The following ARVCF variants were observed in gnomAD, a reference collection of about 807,000 sequenced individuals.
ARVCF encodes the protein splicing regulator ARVCF.
In ARVCF, 66 loss-of-function variants were observed where a neutral mutation model predicts 90.9. That is an observed-to-expected ratio of 0.73 (90% CI 0.60 to 0.89). The LOEUF is 0.89. Ranked by LOEUF, ARVCF falls within the 40% of genes least tolerant of loss-of-function variation. The probability of loss-of-function intolerance (pLI) is 0.00; values close to 1 mark genes in which losing one functional copy is unlikely to be tolerated. For missense variants in ARVCF, 1,469 were observed against 1,382.3 expected, an observed-to-expected ratio of 1.06 and a Z score of -1.00; for synonymous variants, 653 against 603.4, an observed-to-expected ratio of 1.08 and a Z score of -1.21.
intron 6 of ARVCF, 140 bp from the exon 7 acceptor site, chr22:19,979,220 T>C: frequency 1.1e-6 from 1 of 948,418 alleles, no homozygotes; most frequent in Non-Finnish European, 1.5e-6. Context: ...AAGCCGTGAG[T>C]GGTTCCGGGG....
chr22:19,971,856 G>A (rs753654167), intron 18 of ARVCF, 30 bp downstream of exon 18: 3 of 1,611,048 alleles, frequency 1.9e-6, no homozygotes, highest in Non-Finnish European at 2.5e-6. Flanking sequence ...GCCTCACCGG[G>A]GACCTGCCCA....
At chr22:20,013,928 G>A (rs766633495) in intron 1 of ARVCF, among the ~76,000 whole-genome samples, 1 of 150,874 alleles carries the variant, frequency 6.6e-6, no homozygotes, top group Non-Finnish European at 1.5e-5. Flanking sequence ...GCTGGAGTGC[G>A]ATGGCACAAT....
At chr22:20,003,914 A>T (rs750139554) in intron 2 of ARVCF, among the ~76,000 whole-genome samples, 2 of 152,178 alleles carry the variant, frequency 1.3e-5, no homozygotes, top group African/African-American at 2.4e-5. Context: ...AATTAGAAAG[A>T]AAGAAAAACC....
In ARVCF at chr22:19,974,096, C is replaced by G. The variant is rs539743675; in HGVS notation, c.2088+16G>C. ...TCTCTCAGGACTTGCCCACCCTGCC[C>G]GACCTGGTCCCTCACCATCCAGTTG... is the stretch of plus-strand genomic sequence containing the variant. On this transcript the variant is annotated intron_variant, in intron 12 of 19. Coordinates refer to ENST00000263207, the MANE Select transcript of ARVCF (RefSeq NM_001670.3). 6.2e-5 allele frequency: 99 copies of G among 1,598,334 alleles called. 2 individuals carry two copies. In the South Asian group the frequency reaches 1.1e-3, roughly 17 times the overall value.
chr22:19,971,986 A>C lies in ARVCF; in HGVS notation c.2696-15T>G, dbSNP rs1942833693. The C allele has an allele frequency of 6.2e-7, 1 of 1,600,780 alleles. No individual in the cohort carries two copies. The highest frequency in any genetic ancestry group is 1.3e-5 in the African/African-American group (1 of 74,834). ...GGAGTATCCGTCTGTAGATGGGGTA[A>C]GGTGGGGCATGAGGGGCGCTCTGAG... is the stretch of plus-strand genomic sequence containing the variant. On this transcript the variant is annotated splice_polypyrimidine_tract_variant and intron_variant, in intron 17 of 19. Transcript: ENST00000263207.
chr22:19,971,988 G>A lies in ARVCF; in HGVS notation c.2696-17C>T, dbSNP rs999508441. ...AGTATCCGTCTGTAGATGGGGTAAG[G>A]TGGGGCATGAGGGGCGCTCTGAGGG... On this transcript the variant is annotated splice_polypyrimidine_tract_variant and intron_variant, in intron 17 of 19. Transcript: ENST00000263207. The A allele has an allele frequency of 6.3e-7, 1 of 1,599,380 alleles. No homozygotes were observed. Among genetic ancestry groups the A allele is most frequent in the Non-Finnish European group, 8.5e-7 (1 of 1,172,504 alleles).
At chr22:20,008,031 CACTT>C (rs1944695612) in intron 2 of ARVCF, among the ~76,000 whole-genome samples, 1 of 152,152 alleles carries the variant, frequency 6.6e-6, no homozygotes, top group African/African-American at 2.4e-5. Context: ...AAATCCAACA[CACTT>C]CACCACAAAA....
At chr22:20,009,046 G>T (rs62223725) in intron 2 of ARVCF, among the ~76,000 whole-genome samples, 1,851 of 152,290 alleles carry the variant, frequency 0.012, 21 homozygotes, top group Non-Finnish European at 0.019. Context: ...TGTTACCAGG[G>T]CTGTCGTTTG....
At position 20,002,758 on chromosome 22, in the gene ARVCF, C is replaced by T. The variant is rs141919096; in HGVS notation, c.-19+7697G>A. 2.0e-5 allele frequency among the ~76,000 whole-genome samples: 3 copies of T among 152,266 alleles called. No homozygotes were observed. In the East Asian group the frequency reaches 5.8e-4, roughly 29 times the overall value. Reference sequence around the variant, plus strand: ...AAGTTTGTGAGAAGCCCACAGCCTGCGCATGAAGATTGTGTCAAGGGAATA... The same window carrying T: ...AAGTTTGTGAGAAGCCCACAGCCTGTGCATGAAGATTGTGTCAAGGGAATA... On this transcript the variant is annotated intron_variant, in intron 2 of 19. Transcript: ENST00000263207.
chr22:20,007,929 C>T (rs547715413), intron 2 of ARVCF, among the ~76,000 whole-genome samples: 1 of 152,162 alleles, frequency 6.6e-6, no homozygotes, highest in Non-Finnish European at 1.5e-5. Flanking sequence ...AGTAAAAATA[C>T]CTTCTAGAAG....
chr22:19,967,023 T>C (rs1047029805), downstream of ARVCF: 224 of 1,200,526 alleles, frequency 1.9e-4, 2 homozygotes, highest in Middle Eastern at 3.5e-4. Flanking sequence ...AGGCTTGCAG[T>C]GTCGGGCGAC....
At chr22:19,976,978 A>G (rs970190144) in intron 9 of ARVCF, among the ~76,000 whole-genome samples, 7 of 152,136 alleles carry the variant, frequency 4.6e-5, no homozygotes, top group Non-Finnish European at 8.8e-5. Flanking sequence ...GGTCCTGGGA[A>G]CCTACACCCT....
At chr22:19,972,248 A>C (rs754046547) in intron 17 of ARVCF, 110 bp downstream of exon 17, 13 of 1,467,544 alleles carry the variant, frequency 8.9e-6, no homozygotes, top group Non-Finnish European at 1.2e-5. Flanking sequence ...CCTAAACCAA[A>C]TATCTCTCCT....
Position 19,977,566 on chromosome 22 carries a change from G to A in ARVCF, c.1719C>T (p.Cys573=), listed in dbSNP as rs745903193. ...TDNKSVENCV[C]IMRNLSYHVH... is the part of the protein sequence containing the mutation. ...CGTGGTAGGACAGGTTCCGCATGAT[G>A]CACACGCAGTTCTCCACCGACTGCA... Residue 573 remains cysteine, a synonymous_variant, in exon 9 of 20, where the codon TGC becomes TGT. Transcript: ENST00000263207. 4 of 1,553,158 alleles carry A rather than the reference G, an allele frequency of 2.6e-6. No homozygotes were observed. Among genetic ancestry groups the A allele is most frequent in the Non-Finnish European group, 3.5e-6 (4 of 1,149,124 alleles).
downstream of ARVCF, among the ~76,000 whole-genome samples, chr22:19,965,939 G>T (rs189789021): frequency 1.0e-3 from 159 of 152,366 alleles, no homozygotes; most frequent in African/African-American, 3.6e-3. Flanking sequence ...CACTCAGCCA[G>T]ATGGGCTTCA....
At chr22:20,003,048 T>C (rs1194839270) in intron 2 of ARVCF, among the ~76,000 whole-genome samples, 2 of 152,334 alleles carry the variant, frequency 1.3e-5, no homozygotes, top group South Asian at 2.1e-4. Flanking sequence ...GTTTTCCTTT[T>C]CTTTGTATAA....
intron 2 of ARVCF, among the ~76,000 whole-genome samples, chr22:19,998,919 CA>C (rs1056817450): frequency 7.9e-5 from 12 of 152,200 alleles, no homozygotes; most frequent in Non-Finnish European, 1.5e-4. Context: ...CCTATCCGCC[CA>C]GGGGGAAATG....
Position 20,014,104 on chromosome 22 carries a change from GACCTCAGGTGATCTGTCT to G in ARVCF, c.-73+2467_-73+2484del, listed in dbSNP as rs1386161461. 3.3e-5 allele frequency among the ~76,000 whole-genome samples: 5 copies of G among 152,080 alleles called. No homozygotes were observed. The East Asian group carries it at 9.6e-4, about 29-fold the overall frequency. The stretch of plus-strand genomic sequence containing the variant: ...TTGGCCAGGCTGGTCTCAAACTCCT[GACCTCAGGTGATCTGTCT>G]GCCTGCCTCGGCCTCCCAAAGTGCT... On this transcript the variant is annotated intron_variant, in intron 1 of 19. Coordinates refer to ENST00000263207, the MANE Select transcript of ARVCF (RefSeq NM_001670.3).
At position 19,971,916 on chromosome 22, in the gene ARVCF, T is replaced by G. The variant is rs1281762330; in HGVS notation, c.2751A>C (p.Ala917=). Residue 917 remains alanine (A), a synonymous_variant, in exon 18 of 20, where the codon GCA becomes GCC. Transcript: ENST00000263207. ...RERRPRGASS[A]GEASEKEPLK... is the part of the protein sequence containing the mutation. ...AGGGTTCCTTCTCAGAGGCCTCTCCTGCAGAGCTGGCGCCCCGTGGCCTCC... is the reference window on the plus strand; with the variant it reads ...AGGGTTCCTTCTCAGAGGCCTCTCCGGCAGAGCTGGCGCCCCGTGGCCTCC... The G allele has an allele frequency of 6.2e-7, 1 of 1,613,156 alleles. No homozygotes were observed. Among genetic ancestry groups the G allele is most frequent in the Non-Finnish European group, 8.5e-7 (1 of 1,179,852 alleles).
Sources: allele counts gnomAD v4.1 joint callset (sites outside exome capture counted in the v4.1 genomes callset), GRCh38; gene constraint gnomAD v4.1.1; transcripts MANE v1.5; gene names NCBI Gene and HGNC (gene_info 2026-07-23, HGNC 2026-07-21).